The following ST3GAL3 variants were observed in gnomAD, a reference collection of about 807,000 sequenced individuals.
The protein encoded by ST3GAL3 is CMP-N-acetylneuraminate-beta-1,4-galactoside alpha-2,3-sialyltransferase.
A neutral mutation model predicts 50.1 loss-of-function variants in ST3GAL3; 21 were observed. That is an observed-to-expected ratio of 0.42 (90% CI 0.30 to 0.60). ST3GAL3 has a LOEUF of 0.60. Among genes scored for constraint, ST3GAL3 ranks in the 20% least tolerant of loss-of-function variants. The pLI is 0.19. For missense variants in ST3GAL3, 353 were observed against 489.4 expected, an observed-to-expected ratio of 0.72 and a Z score of 2.63; for synonymous variants, 183 against 190.0, an observed-to-expected ratio of 0.96 and a Z score of 0.30.
intron 2 of ST3GAL3, among the ~76,000 whole-genome samples, chr1:43,744,688 A>AAAT (rs1228939710): frequency 3.7e-4 from 45 of 120,314 alleles, no homozygotes; most frequent in African/African-American, 1.2e-3. Flanking sequence ...ATAAATAAAT[A>AAAT]AAATAAAATA....
At chr1:43,842,415 A>G (rs868295346) in intron 5 of ST3GAL3, 21 of 152,160 alleles carry the variant, frequency 1.4e-4, no homozygotes, top group African/African-American at 5.1e-4. Context: ...AAGCTTTCTG[A>G]TGCCTCCCTA....
At chr1:43,885,644 T>C (rs962059820) in intron 5 of ST3GAL3, among the ~76,000 whole-genome samples, 7 of 152,230 alleles carry the variant, frequency 4.6e-5, no homozygotes, top group African/African-American at 1.7e-4. Context: ...CCCTGGATTC[T>C]GTTCCAGGCA....
At chr1:43,730,697 A>G (rs1236088943) in intron 1 of ST3GAL3, among the ~76,000 whole-genome samples, 1 of 151,052 alleles carries the variant, frequency 6.6e-6, no homozygotes, top group African/African-American at 2.4e-5. Flanking sequence ...CAGCCTCTCA[A>G]ATAGCTAGGA....
chr1:43,738,332 T>C (rs552393706), intron 2 of ST3GAL3: 1 of 152,350 alleles, frequency 6.6e-6, no homozygotes, highest in Admixed American at 6.5e-5. Context: ...CCAGTATTTA[T>C]AGCTTTTCTA....
At position 43,737,230 on chromosome 1, in the gene ST3GAL3, A is replaced by G. The variant is rs1678915740; in HGVS notation, c.118+850A>G. 2 of 152,260 alleles carry G rather than the reference A, an allele frequency of 1.3e-5. No individual in the cohort carries two copies. Among genetic ancestry groups the G allele is most frequent in the Admixed American group, 6.5e-5 (1 of 15,284 alleles). The allele number at this position is 152,260 out of a possible 1,614,324, so 9.4% of individuals were successfully genotyped here. Reference sequence around the variant, plus strand: ...GTGGCCTGTTTTGACCTGCAGTGATATGTCTTCTCTTAAAATAGTTTTATT... The same window carrying G: ...GTGGCCTGTTTTGACCTGCAGTGATGTGTCTTCTCTTAAAATAGTTTTATT... On this transcript the variant is annotated intron_variant, in intron 2 of 11. Coordinates refer to ENST00000347631, the MANE Select transcript of ST3GAL3 (RefSeq NM_006279.5). The surrounding 1 kb of genome is among the most constrained non-coding windows in gnomAD (Gnocchi z 4.0).
chr1:43,758,668 A>G (rs1204303560), intron 2 of ST3GAL3, among the ~76,000 whole-genome samples: 1 of 152,160 alleles, frequency 6.6e-6, no homozygotes, highest in Non-Finnish European at 1.5e-5. Context: ...TTAATTATGT[A>G]GGCTAAAGAT....
chr1:43,907,511 G>A (rs2080007541), intron 9 of ST3GAL3, among the ~76,000 whole-genome samples: 1 of 152,084 alleles, frequency 6.6e-6, no homozygotes, highest in African/African-American at 2.4e-5. Flanking sequence ...CAATTCCACT[G>A]TACCTCCATC....
At chr1:43,898,940 C>T (rs2077806229) in intron 7 of ST3GAL3, 1 of 594,784 alleles carries the variant, frequency 1.7e-6, no homozygotes, top group Non-Finnish European at 2.9e-6. Context: ...GCCCTGTTTT[C>T]CTGGGGAAGT....
chr1:43,836,064 T>C (rs901404962), intron 4 of ST3GAL3, among the ~76,000 whole-genome samples: 2 of 152,154 alleles, frequency 1.3e-5, no homozygotes, highest in African/African-American at 4.8e-5. Flanking sequence ...TGATCTTGGA[T>C]TAGTCTCTTC....
At chr1:43,783,162 A>G (rs1172169067) in intron 2 of ST3GAL3, among the ~76,000 whole-genome samples, 2 of 152,190 alleles carry the variant, frequency 1.3e-5, no homozygotes, top group Non-Finnish European at 1.5e-5. Flanking sequence ...TGGGAAAAAC[A>G]GTGGAGCCCG....
At position 43,838,278 on chromosome 1, in the gene ST3GAL3, A is replaced by G. The variant is rs892800889; in HGVS notation, c.269A>G (p.Tyr90Cys). 6.8e-6 allele frequency: 11 copies of G among 1,613,692 alleles called. No individual in the cohort carries two copies. Among genetic ancestry groups the G allele is most frequent in the East Asian group, 2.2e-5 (1 of 44,876 alleles). ...TCAGAGGGAGCTTGCAAGCCTGGCT[A>G]TGCTTCAGCCTTGATGACGGCCATC... The part of the protein sequence containing the change: ...NFSEGACKPG[Y>C]ASALMTAIFP... The change falls in exon 5 of 12, where the codon TAT (tyrosine) becomes TGT (cysteine). Residue 90 changes from tyrosine (Y) to cysteine (C), a missense_variant. Physicochemically the swap from Tyr to Cys is radical, Grantham distance 194 (BLOSUM62 -2). Coordinates refer to ENST00000347631, the MANE Select transcript of ST3GAL3 (RefSeq NM_006279.5).
At chr1:43,717,597 A>G (rs1334746345) in intron 1 of ST3GAL3, among the ~76,000 whole-genome samples, 1 of 151,112 alleles carries the variant, frequency 6.6e-6, no homozygotes, top group Non-Finnish European at 1.5e-5. Flanking sequence ...TCCTGGGCTC[A>G]AGTGATCCTC....
rs373931342 is a variant in ST3GAL3, at chr1:43,717,339, A to G, written c.-31+9646A>G. Among the ~76,000 whole-genome samples, 123 of 152,326 alleles carry G rather than the reference A, an allele frequency of 8.1e-4. 3 individuals carry two copies. The South Asian group carries it at 0.025, about 31-fold the overall frequency. ...AGTTCCAGCATAGTTACTTTGCAATAGTCCAGCATAGTTTTTCTAAAATAT... is the reference window on the plus strand; with the variant it reads ...AGTTCCAGCATAGTTACTTTGCAATGGTCCAGCATAGTTTTTCTAAAATAT... On this transcript the variant is annotated intron_variant, in intron 1 of 11. Transcript: ENST00000347631.
chr1:43,845,246 G>A (rs1041921652), intron 5 of ST3GAL3, among the ~76,000 whole-genome samples: 7 of 152,086 alleles, frequency 4.6e-5, no homozygotes, highest in African/African-American at 1.7e-4. Context: ...GCTTCCCAAA[G>A]TGCTGGAATT....
chr1:43,823,364 G>T (rs80203392), intron 4 of ST3GAL3, among the ~76,000 whole-genome samples: 3,125 of 151,978 alleles, frequency 0.021, 106 homozygotes, highest in African/African-American at 0.072. Flanking sequence ...TTTATCCTGC[G>T]CTCCTTGCTG....
At chr1:43,746,905 G>A (rs902639657) in intron 2 of ST3GAL3, among the ~76,000 whole-genome samples, 1 of 151,848 alleles carries the variant, frequency 6.6e-6, no homozygotes, top group Non-Finnish European at 1.5e-5. Flanking sequence ...TGGTACTACA[G>A]GCATGTGCTA....
At chr1:43,708,058 G>A (rs1269399839) in intron 1 of ST3GAL3, 1 of 152,386 alleles carries the variant, frequency 6.6e-6, no homozygotes. Flanking sequence ...AGTCCAGGGA[G>A]CGCCTGAGCG....
intron 2 of ST3GAL3, among the ~76,000 whole-genome samples, chr1:43,771,649 G>A (rs1558229515): frequency 6.6e-6 from 1 of 152,086 alleles, no homozygotes; most frequent in African/African-American, 2.4e-5. Context: ...GAGCCACCGC[G>A]CCCGGCTGGG....
chr1:43,847,345 C>T (rs1273037554), intron 5 of ST3GAL3, among the ~76,000 whole-genome samples: 1 of 152,134 alleles, frequency 6.6e-6, no homozygotes, highest in Non-Finnish European at 1.5e-5. Context: ...GTGTTTGTAG[C>T]AGGAATTATT....
Sources: gnomAD v4.1 joint callset for allele counts (sites outside exome capture counted in the v4.1 genomes callset) on GRCh38, gnomAD v4.1.1 for gene constraint, Gnocchi (gnomAD v3.1) non-coding constraint, MANE v1.5 for transcripts, NCBI Gene and HGNC (gene_info 2026-07-23, HGNC 2026-07-21) for gene names.